TNRC18: variants seen among roughly 807,000 people sequenced by gnomAD.
TNRC18 encodes the protein trinucleotide repeat-containing gene 18 protein.
TNRC18 carries 69 observed loss-of-function variants against 226.7 expected under a neutral mutation model. That is an observed-to-expected ratio of 0.30 (90% confidence interval 0.25 to 0.37). The LOEUF is 0.37. Ranked by LOEUF, TNRC18 falls within the 10% of genes least tolerant of loss-of-function variation. The probability of loss-of-function intolerance (pLI) is 1.00; values close to 1 mark genes in which losing one functional copy is unlikely to be tolerated. For missense variants in TNRC18, 4,754 were observed against 4,256.6 expected (o/e 1.12, Z -3.25); for synonymous variants, 2,449 against 1,927.6 (o/e 1.27, Z -7.09).
At chr7:5,420,386 CCT>C (rs763475389) in intron 2 of TNRC18, 34 of 456,130 alleles carry the variant, frequency 7.5e-5, no homozygotes, top group Non-Finnish European at 1.3e-4. Flanking sequence ...ACCTCCGCAC[CCT>C]CTTTCGCGCT....
In TNRC18 at chr7:5,307,576, G is replaced by T. The variant is rs963391352; in HGVS notation, c.*530C>A. 1 of 448,658 alleles carries T rather than the reference G, an allele frequency of 2.2e-6. No individual in the cohort carries two copies. The highest frequency in any genetic ancestry group is 2.0e-5 in the African/African-American group (1 of 49,760). 27.8% of individuals were successfully genotyped at this position (448,658 alleles called of 1,614,324 possible). A position where few individuals can be genotyped will look rare whatever the true frequency, so the allele number is the denominator to read the frequency against. The stretch of plus-strand genomic sequence containing the variant: ...AAGTCTAGGCCATCCTGAGAGGGTG[G>T]GGGCAGGGCCCCTGGCACAGTCAGG... On this transcript the variant is annotated 3_prime_UTR_variant, in exon 30 of 30. Transcript: ENST00000430969.
In TNRC18 at chr7:5,388,936, C is replaced by G; in HGVS notation, c.888G>C (p.Leu296=). ...GGAGDVGLPA[L]VAEAGRGGAK... ...CACCCCCGCGCCCCGCTTCGGCCAC[C>G]AGCGCGGGCAGCCCCACGTCCCCGG... The change falls in exon 5 of 30, where the codon CTG becomes CTC. Residue 296 remains leucine, a synonymous_variant. Transcript: ENST00000430969. 1 of 1,381,730 alleles carries G rather than the reference C, an allele frequency of 7.2e-7. No individual in the cohort carries two copies. The allele number at this position is 1,381,730 out of a possible 1,614,324, so 85.6% of individuals were successfully genotyped here.
At chr7:5,349,917 C>T (rs1322210556) in intron 17 of TNRC18, among the ~76,000 whole-genome samples, 1 of 152,102 alleles carries the variant, frequency 6.6e-6, no homozygotes, top group African/African-American at 2.4e-5. Context: ...GGAGCCTGGG[C>T]CTCCCCCGCC....
Position 5,387,903 on chromosome 7 carries a change from C to A in TNRC18, c.1921G>T (p.Gly641Ter). 1 of 1,592,216 alleles carries A rather than the reference C, an allele frequency of 6.3e-7. No homozygotes were observed. ...CGGCCGCCGCCCGCTGCAGGGCCTC[C>A]GGAGTGTGGGAGACGGGCCTGGGCT... ...SRAQARLPHSGGPAAGGGRQL... is the reference protein window; with the variant it reads ...SRAQARLPHS The change falls in exon 5 of 30, where the codon GGA becomes TGA. Residue 641 changes from glycine (G) to a stop codon, truncating the protein, a stop_gained. Coordinates refer to ENST00000430969, the MANE Select transcript of TNRC18 (RefSeq NM_001080495.3). LOFTEE classifies it high-confidence loss of function.
At chr7:5,415,071 C>T (rs527273861) in intron 2 of TNRC18, among the ~76,000 whole-genome samples, 98 of 152,128 alleles carry the variant, frequency 6.4e-4, no homozygotes, top group Non-Finnish European at 1.2e-3. Flanking sequence ...CCCTCCACTG[C>T]CTCCTCATTC....
intron 2 of TNRC18, among the ~76,000 whole-genome samples, chr7:5,401,824 A>G (rs1417942182): frequency 1.3e-5 from 2 of 152,192 alleles, no homozygotes; most frequent in African/African-American, 4.8e-5. Flanking sequence ...ACAGTGGCTC[A>G]TGCCTGTAAT....
intron 26 of TNRC18, 48 bp from the exon 27 acceptor site, chr7:5,313,911 A>C: frequency 7.1e-7 from 1 of 1,417,068 alleles, no homozygotes; most frequent in Non-Finnish European, 9.2e-7. Context: ...TTCCTGGCAG[A>C]GATGAGCTGT....
intron 27 of TNRC18, among the ~76,000 whole-genome samples, chr7:5,311,470 G>C (rs574935923): frequency 4.5e-4 from 68 of 152,202 alleles, no homozygotes; most frequent in Admixed American, 1.5e-3. Flanking sequence ...CCTTCTGCTG[G>C]GACTGCCACA....
chr7:5,384,535 A>T (rs1239099340), intron 5 of TNRC18, among the ~76,000 whole-genome samples: 1 of 118,178 alleles, frequency 8.5e-6, no homozygotes, highest in Non-Finnish European at 1.7e-5. Context: ...CCCCTCCCCC[A>T]CACAAACACA....
At chr7:5,326,129 A>T (rs1448422418) in intron 19 of TNRC18, among the ~76,000 whole-genome samples, 1 of 151,946 alleles carries the variant, frequency 6.6e-6, no homozygotes, top group Non-Finnish European at 1.5e-5. Flanking sequence ...TGACCCTCCT[A>T]CCAACTCCAC....
intron 1 of TNRC18, among the ~76,000 whole-genome samples, chr7:5,422,573 TAAGAG>T (rs1041567940): frequency 1.3e-5 from 2 of 152,172 alleles, no homozygotes; most frequent in African/African-American, 4.8e-5. Context: ...TGGGCTCTCT[TAAGAG>T]AAGCCGATCA....
In TNRC18 at chr7:5,320,615, A is replaced by C. The variant is rs773957907; in HGVS notation, c.6561-8T>G. 1.2e-6 allele frequency: 2 copies of C among 1,610,712 alleles called. No homozygotes were observed. The highest frequency in any genetic ancestry group is 1.1e-5 in the South Asian group (1 of 90,612). On this transcript the variant is annotated splice_polypyrimidine_tract_variant and splice_region_variant and intron_variant, in intron 22 of 29. Transcript: ENST00000430969. ...TCCACCACCACGCGGTATCTGTAGG[A>C]GCAAACGAGGCGTGAGGTGGCAGAG...
At chr7:5,368,596 C>T (rs1345717142) in intron 11 of TNRC18, among the ~76,000 whole-genome samples, 5 of 129,440 alleles carry the variant, frequency 3.9e-5, no homozygotes, top group Non-Finnish European at 6.2e-5. Flanking sequence ...ACCTGGGAGG[C>T]GGAAGTTGCA....
chr7:5,413,232 G>C (rs1029341749), intron 2 of TNRC18, among the ~76,000 whole-genome samples: 4 of 152,172 alleles, frequency 2.6e-5, no homozygotes, highest in African/African-American at 9.7e-5. Context: ...ACCACAGACT[G>C]GTTCATGCCG....
Position 5,351,705 on chromosome 7 carries a change from C to T in TNRC18, c.5470+114G>A, listed in dbSNP as rs991620501. On this transcript the variant is annotated intron_variant, in intron 17 of 29. Transcript: ENST00000430969. The stretch of plus-strand genomic sequence containing the variant: ...GGCAGCCTTCTTGCGGCCATCCGCA[C>T]GGGCCTCCTCACCCACCATCTCTCC... The T allele has an allele frequency of 1.0e-4, 127 of 1,239,134 alleles. No individual in the cohort carries two copies. In the African/African-American group the frequency reaches 1.1e-3, roughly 11 times the overall value. 76.8% of individuals were successfully genotyped at this position (1,239,134 alleles called of 1,614,324 possible).
At chr7:5,397,114 C>T (rs1052929990) in intron 2 of TNRC18, among the ~76,000 whole-genome samples, 1 of 152,188 alleles carries the variant, frequency 6.6e-6, no homozygotes, top group Non-Finnish European at 1.5e-5. Flanking sequence ...CAGGCCCAGC[C>T]CCCTCACCGG....
At position 5,389,219 on chromosome 7, in the gene TNRC18, C is replaced by A; in HGVS notation, c.605G>T (p.Arg202Leu). The change falls in exon 5 of 30, where the codon CGG becomes CTG. Residue 202 changes from arginine (R) to leucine (L), a missense_variant. Transcript: ENST00000430969. ...SGAPAKGSSS[R>L]DGPAKERAGR... ...CGCCCGCTCCTTGGCTGGACCGTCC[C>A]GCGACGACGAGCCTTTGGCCGGGGC... 7.5e-7 allele frequency: 1 copy of A among 1,334,386 alleles called. No homozygotes were observed. The highest frequency in any genetic ancestry group is 9.6e-7 in the Non-Finnish European group (1 of 1,043,420). The allele number at this position is 1,334,386 out of a possible 1,614,324, so 82.7% of individuals were successfully genotyped here. A position where few individuals can be genotyped will look rare whatever the true frequency, so the allele number is the denominator to read the frequency against.
At chr7:5,371,432 G>C in intron 10 of TNRC18, 68 bp from the exon 11 acceptor site, 1 of 1,432,950 alleles carries the variant, frequency 7.0e-7, no homozygotes, top group Non-Finnish European at 9.1e-7. Flanking sequence ...ACTGACACCC[G>C]CCCACCACCC....
chr7:5,360,017 G>C (rs1278073436), intron 14 of TNRC18, among the ~76,000 whole-genome samples: 1 of 151,976 alleles, frequency 6.6e-6, no homozygotes, highest in African/African-American at 2.4e-5. Context: ...GGAGCCACTT[G>C]CTGGTCTCTG....
Sources: allele counts gnomAD v4.1 joint callset (sites outside exome capture counted in the v4.1 genomes callset), GRCh38; gene constraint gnomAD v4.1.1; transcripts MANE v1.5; gene names NCBI Gene and HGNC (gene_info 2026-07-23, HGNC 2026-07-21).